The following CADM2 variants were observed in gnomAD, a reference collection of about 807,000 sequenced individuals.
The protein encoded by CADM2 is immunoglobulin superfamily member 4D.
Under a neutral mutation model 49.8 loss-of-function variants are expected in CADM2, and 12 were observed. The observed-to-expected ratio is 0.24, with a 90% CI of 0.15 to 0.39. The LOEUF is 0.39. CADM2 is among the 10% of genes least tolerant of loss of function. CADM2 has a pLI of 1.00. For synonymous variants in CADM2, 214 were observed against 175.4 expected, an observed-to-expected ratio of 1.22 and a Z score of -1.74; for missense variants, 378 against 492.3, an observed-to-expected ratio of 0.77 and a Z score of 2.20.
At chr3:85,373,442 C>G (rs778425191) in intron 1 of CADM2, among the ~76,000 whole-genome samples, 1 of 152,142 alleles carries the variant, frequency 6.6e-6, no homozygotes, top group African/African-American at 2.4e-5. Context: ...CCCCTCCTGG[C>G]TGCTTTCACA....
At chr3:85,875,124 T>C (rs1711634507) in intron 3 of CADM2, among the ~76,000 whole-genome samples, 1 of 152,180 alleles carries the variant, frequency 6.6e-6, no homozygotes, top group Non-Finnish European at 1.5e-5. Flanking sequence ...GCAATGGTTG[T>C]CTTTACCAAT....
chr3:85,327,554 C>CCACA (rs71108276), intron 1 of CADM2, among the ~76,000 whole-genome samples: 6,349 of 137,100 alleles, frequency 0.046, 252 homozygotes, highest in East Asian at 0.17. Flanking sequence ...CCATGCCCGG[C>CCACA]CACACACACA....
chr3:85,192,715 G>A (rs1234026770), intron 1 of CADM2, among the ~76,000 whole-genome samples: 2 of 151,884 alleles, frequency 1.3e-5, no homozygotes, highest in South Asian at 2.1e-4. Flanking sequence ...TGGGAAGTAT[G>A]ATTTTTATCT....
At chr3:85,174,176 T>C (rs2040712342) in intron 1 of CADM2, among the ~76,000 whole-genome samples, 2 of 152,164 alleles carry the variant, frequency 1.3e-5, no homozygotes, top group African/African-American at 4.8e-5. Context: ...AGTTGCCTCA[T>C]TTTAATTCCT....
chr3:85,301,436 T>C (rs2044098272), intron 1 of CADM2, among the ~76,000 whole-genome samples: 1 of 152,084 alleles, frequency 6.6e-6, no homozygotes, highest in South Asian at 2.1e-4. Flanking sequence ...GTTCAATATT[T>C]TCTTCTATAA....
At chr3:85,172,436 AATT>A (rs1425404290) in intron 1 of CADM2, among the ~76,000 whole-genome samples, 4 of 152,226 alleles carry the variant, frequency 2.6e-5, no homozygotes, top group African/African-American at 9.6e-5. Context: ...GCATTATAAA[AATT>A]ATTATTCTAA....
At chr3:85,778,916 A>G (rs1027902055) in intron 2 of CADM2, among the ~76,000 whole-genome samples, 14 of 152,160 alleles carry the variant, frequency 9.2e-5, no homozygotes, top group Non-Finnish European at 2.1e-4. Context: ...TCATTGTGCA[A>G]CACACAAAGA....
intron 1 of CADM2, among the ~76,000 whole-genome samples, chr3:85,222,389 A>G (rs1441874248): frequency 1.3e-5 from 2 of 152,162 alleles, no homozygotes; most frequent in Admixed American, 1.3e-4. Flanking sequence ...CTGGCTTAAA[A>G]AAATACCAGG....
rs1284673005 is a variant in CADM2, at chr3:86,070,429, GC to G, written c.*3648del. 6.6e-6 allele frequency: 1 copy of G among 151,808 alleles called. No individual in the cohort carries two copies. The highest frequency in any genetic ancestry group is 1.5e-5 in the Non-Finnish European group (1 of 67,820). 9.4% of individuals were successfully genotyped at this position (151,808 alleles called of 1,614,324 possible). A position where few individuals can be genotyped will look rare whatever the true frequency, so the allele number is the denominator to read the frequency against. On this transcript the variant is annotated 3_prime_UTR_variant, in exon 10 of 10. Coordinates refer to ENST00000383699, the MANE Select transcript of CADM2 (RefSeq NM_001167675.2). ...TGTTACCAAGGGGAACATTTCAAATGCCTTTTGTTTTTCTTTGGACATCAAG... is the reference window on the plus strand; with the variant it reads ...TGTTACCAAGGGGAACATTTCAAATGCTTTTGTTTTTCTTTGGACATCAAG...
At chr3:85,158,792 G>A (rs1299076714) in intron 1 of CADM2, among the ~76,000 whole-genome samples, 1 of 151,920 alleles carries the variant, frequency 6.6e-6, no homozygotes, top group Non-Finnish European at 1.5e-5. Flanking sequence ...GTATACATAT[G>A]TAACTAACTT....
intron 1 of CADM2, among the ~76,000 whole-genome samples, chr3:85,245,697 T>G (rs1217807460): frequency 2.0e-5 from 3 of 152,152 alleles, no homozygotes; most frequent in African/African-American, 7.2e-5. Flanking sequence ...TTACTCTTTC[T>G]TATTTCTACC....
chr3:85,931,469 A>G (rs1168965552), intron 6 of CADM2, among the ~76,000 whole-genome samples: 1 of 152,050 alleles, frequency 6.6e-6, no homozygotes, highest in East Asian at 1.9e-4. Context: ...AAAGAATATT[A>G]CTTCCACTTA....
intron 6 of CADM2, among the ~76,000 whole-genome samples, chr3:85,915,688 A>T (rs1718201253): frequency 6.6e-6 from 1 of 152,172 alleles, no homozygotes; most frequent in Non-Finnish European, 1.5e-5. Flanking sequence ...AGAAGAGCTC[A>T]GCCTTGGAAA....
chr3:85,120,512 T>C (rs2038819623), intron 1 of CADM2, among the ~76,000 whole-genome samples: 1 of 151,808 alleles, frequency 6.6e-6, no homozygotes, highest in Non-Finnish European at 1.5e-5. Context: ...AAAGAATGAG[T>C]TCATGTTTTT....
chr3:85,279,042 A>G (rs1224191821), intron 1 of CADM2, among the ~76,000 whole-genome samples: 1 of 151,500 alleles, frequency 6.6e-6, no homozygotes, highest in East Asian at 1.9e-4. Context: ...TCCTTCAATA[A>G]AAGAGAGATG....
At chr3:85,945,605 G>A (rs995806201) in intron 7 of CADM2, among the ~76,000 whole-genome samples, 1 of 152,100 alleles carries the variant, frequency 6.6e-6, no homozygotes, top group Non-Finnish European at 1.5e-5. Flanking sequence ...TCATCCCTGG[G>A]ATGCAAGACT....
chr3:85,695,393 C>T (rs2066518909), intron 1 of CADM2, among the ~76,000 whole-genome samples: 1 of 151,960 alleles, frequency 6.6e-6, no homozygotes, highest in Non-Finnish European at 1.5e-5. Flanking sequence ...CTTGCTTACC[C>T]GTAGTTTAGC....
chr3:85,048,143 T>C (rs763855825), intron 1 of CADM2, among the ~76,000 whole-genome samples: 24 of 152,046 alleles, frequency 1.6e-4, no homozygotes, highest in Non-Finnish European at 3.1e-4. Flanking sequence ...GCCAAGACGA[T>C]GTATGGAAAA....
chr3:85,563,874 G>A (rs972420252), intron 1 of CADM2, among the ~76,000 whole-genome samples: 5 of 152,124 alleles, frequency 3.3e-5, no homozygotes, highest in Non-Finnish European at 7.4e-5. Context: ...GTATAAACAA[G>A]CTTCCTGTGC....
Sources: allele counts gnomAD v4.1 joint callset (sites outside exome capture counted in the v4.1 genomes callset), GRCh38; gene constraint gnomAD v4.1.1; transcripts MANE v1.5; gene names NCBI Gene and HGNC (gene_info 2026-07-23, HGNC 2026-07-21).